COX15: variants seen among roughly 807,000 people sequenced by gnomAD.
The protein encoded by COX15 is cytochrome c oxidase assembly factor COX15, also known as heme A synthase COX15.
In COX15, 51 loss-of-function variants were observed where a neutral mutation model predicts 51.9. The ratio of observed to expected loss-of-function variants is 0.98; its 90% CI spans 0.78 to 1.24. COX15 has a LOEUF of 1.24. COX15 is among the 50% of genes most tolerant of loss of function. The probability of loss-of-function intolerance (pLI) is 0.00; values close to 1 mark genes in which losing one functional copy is unlikely to be tolerated. For missense variants in COX15, 420 were observed against 501.1 expected, an observed-to-expected ratio of 0.84 and a Z score of 1.55; for synonymous variants, 188 against 190.5, an observed-to-expected ratio of 0.99 and a Z score of 0.11.
downstream of COX15, chr10:99,708,964 A>G (rs1010437262): frequency 1.1e-4 from 106 of 985,306 alleles, no homozygotes; most frequent in African/African-American, 1.8e-3. Context: ...TTCATTTATG[A>G]CTGCTTTGCT....
chr10:99,702,743 CT>C, the COX15 span: 1 of 1,397,664 alleles, frequency 7.2e-7, no homozygotes, highest in African/African-American at 1.5e-5. Context: ...GAATCGGTTT[CT>C]TTCTTTTTTT....
chr10:99,719,455 A>G (rs1007910784), intron 6 of COX15, among the ~76,000 whole-genome samples: 2 of 151,658 alleles, frequency 1.3e-5, no homozygotes, highest in African/African-American at 4.9e-5. Flanking sequence ...CGGCCTCCCA[A>G]AGTGCTGGGA....
chr10:99,706,501 A>C (rs1430431312), downstream of COX15, among the ~76,000 whole-genome samples: 1 of 48,332 alleles, frequency 2.1e-5, no homozygotes, highest in Non-Finnish European at 5.4e-5. Flanking sequence ...ACACTCAGCT[A>C]ATTTTTTATT....
At position 99,724,041 on chromosome 10, in the gene COX15, C is replaced by T. The variant is rs377568460; in HGVS notation, c.665G>A (p.Arg222His). 9.4e-5 allele frequency: 152 copies of T among 1,613,986 alleles called. No homozygotes were observed. Among genetic ancestry groups the T allele is most frequent in the African/African-American group, 1.5e-4 (11 of 74,888 alleles). Residue 222 changes from arginine to histidine, a missense_variant, in exon 5 of 9, where the codon CGC becomes CAC. Coordinates refer to ENST00000016171, the MANE Select transcript of COX15 (RefSeq NM_078470.6). ...SHDIPRVSQY[R>H]LAAHLGSALV... ...GGCTGATCCCAGGTGGGCAGCAAGG[C>T]GGTACTGACTGACCCGAGGGATGTC...
At position 99,714,167 on chromosome 10, in the gene COX15, TC is replaced by T; in HGVS notation, c.*419del. On this transcript the variant is annotated 3_prime_UTR_variant, in exon 9 of 9. Transcript: ENST00000016171. ...GGCTACTTTGGGTATGTCAATCCTA[TC>T]CTTTCAATCTTCACCTAATGGAAGT... 1 of 1,054,212 alleles carries T rather than the reference TC, an allele frequency of 9.5e-7. No individual in the cohort carries two copies. Among genetic ancestry groups the T allele is most frequent in the Non-Finnish European group, 1.1e-6 (1 of 871,108 alleles). 65.3% of individuals were successfully genotyped at this position (1,054,212 alleles called of 1,614,324 possible). A position where few individuals can be genotyped will look rare whatever the true frequency, so the allele number is the denominator to read the frequency against.
At chr10:99,723,890 CTAGA>C in intron 5 of COX15, 62 bp downstream of exon 5, 1 of 1,548,616 alleles carries the variant, frequency 6.5e-7, no homozygotes, top group Non-Finnish European at 8.9e-7. Flanking sequence ...AATTCTACTT[CTAGA>C]TATATATCCA....
chr10:99,702,923 CTTTA>C, the COX15 span, among the ~76,000 whole-genome samples: 232 of 152,280 alleles, frequency 1.5e-3, 1 homozygote, highest in African/African-American at 5.4e-3. Flanking sequence ...AGAAATCCAG[CTTTA>C]TTTGTTTACT....
the COX15 span, among the ~76,000 whole-genome samples, chr10:99,702,138 T>C: frequency 6.6e-6 from 1 of 152,194 alleles, no homozygotes; most frequent in Non-Finnish European, 1.5e-5. Flanking sequence ...CCTACTAACA[T>C]TTATCAGCTC....
the COX15 span, chr10:99,704,569 A>G: frequency 2.5e-6 from 4 of 1,613,932 alleles, no homozygotes; most frequent in South Asian, 1.1e-5. Context: ...CCATCTTCCT[A>G]TACCTTCTGC....
intron 8 of COX15, 95 bp from the exon 9 acceptor site, chr10:99,714,813 T>C: frequency 6.3e-7 from 1 of 1,596,286 alleles, no homozygotes; most frequent in Non-Finnish European, 8.5e-7. Context: ...AACCTCCACA[T>C]CCTCCTATCA....
At chr10:99,720,055 ATTAAT>A (rs1382196406) in intron 6 of COX15, among the ~76,000 whole-genome samples, 2 of 152,300 alleles carry the variant, frequency 1.3e-5, no homozygotes, top group Non-Finnish European at 1.5e-5. Context: ...TTTAACCTTA[ATTAAT>A]TTAAGTTTAA....
At chr10:99,702,006 G>A in the COX15 span, among the ~76,000 whole-genome samples, 623 of 151,628 alleles carry the variant, frequency 4.1e-3, 2 homozygotes, top group Non-Finnish European at 5.8e-3. Flanking sequence ...CTGAGATCGC[G>A]CCACTGCACT....
rs2036497502 is a variant in COX15, at chr10:99,714,325, C to A, written c.*262G>T. On this transcript the variant is annotated 3_prime_UTR_variant, in exon 9 of 9. Transcript: ENST00000016171. ...ACCTGACACAAAGCCTGTTAAGCAG[C>A]AAATGGCAGACATTTCTTTCTCTAC... 8.0e-7 allele frequency: 1 copy of A among 1,256,822 alleles called. No homozygotes were observed. Among genetic ancestry groups the A allele is most frequent in the South Asian group, 1.6e-5 (1 of 63,132 alleles). The allele number at this position is 1,256,822 out of a possible 1,614,324, so 77.9% of individuals were successfully genotyped here.
the COX15 span, among the ~76,000 whole-genome samples, chr10:99,694,601 A>G: frequency 1.4e-5 from 2 of 147,856 alleles, no homozygotes; most frequent in African/African-American, 5.0e-5. Context: ...CCATGGCACG[A>G]TCTCGGCTCA....
At position 99,716,407 on chromosome 10, in the gene COX15, G is replaced by A; in HGVS notation, c.1042C>T (p.Pro348Ser). The part of the protein sequence containing the change: ...TVLYFLSRRI[P>S]LPRRTKMAAV... ...GCCATCTTGGTCCTTCTAGGAAGGG[G>A]AATTCTCCGAGAGAGGAAGTAGAGC... The change falls in exon 8 of 9, where the codon CCC becomes TCC. Residue 348 changes from proline (P) to serine (S), a missense_variant. By Grantham distance (74) the Pro-to-Ser change is moderately conservative. Transcript: ENST00000016171. The A allele has an allele frequency of 1.9e-6, 3 of 1,613,986 alleles. No homozygotes were observed. The highest frequency in any genetic ancestry group is 2.5e-6 in the Non-Finnish European group (3 of 1,179,974).
At position 99,718,328 on chromosome 10, in the gene COX15, A is replaced by G; in HGVS notation, c.987+18T>C. On this transcript the variant is annotated intron_variant, in intron 7 of 8. Transcript: ENST00000016171. ...AGGCTCCTGTGCTCTCTGGCAGGTA[A>G]CCACCAACTACACTTACCAGAATCC... The G allele has an allele frequency of 6.2e-7, 1 of 1,614,028 alleles. No homozygotes were observed. The highest frequency in any genetic ancestry group is 1.3e-5 in the African/African-American group (1 of 75,028).
the COX15 span, chr10:99,704,387 C>T: frequency 2.6e-6 from 4 of 1,513,806 alleles, no homozygotes; most frequent in Non-Finnish European, 3.7e-6. Flanking sequence ...CCTTTCAAAT[C>T]AGTAAATGTC....
Position 99,712,286 on chromosome 10 carries a change from C to G in COX15, c.*2301G>C, listed in dbSNP as rs79573437. ...ACTGGAGTTGAAAGAGAACTGAGAT[C>G]ACCTAGTTCAGAGACTAACGGGAAA... On this transcript the variant is annotated 3_prime_UTR_variant, in exon 9 of 9. Transcript: ENST00000016171. 2.6e-4 allele frequency: 253 copies of G among 985,394 alleles called. 2 individuals are homozygous for G. The East Asian group carries it at 0.023, about 90-fold the overall frequency. 61.0% of individuals were successfully genotyped at this position (985,394 alleles called of 1,614,324 possible).
chr10:99,696,007 C>T, the COX15 span: 3 of 1,614,112 alleles, frequency 1.9e-6, no homozygotes, highest in Non-Finnish European at 2.5e-6. Context: ...CTGTGATGTG[C>T]AACACACTGA....
Sources: gnomAD v4.1 joint callset for allele counts (sites outside exome capture counted in the v4.1 genomes callset) on GRCh38, gnomAD v4.1.1 for gene constraint, MANE v1.5 for transcripts, NCBI Gene and HGNC (gene_info 2026-07-23, HGNC 2026-07-21) for gene names.